The following ADK variants were observed in gnomAD, a reference collection of about 807,000 sequenced individuals.
ADK encodes the protein adenosine kinase.
ADK carries 24 observed loss-of-function variants against 44.7 expected under a neutral mutation model. That is an observed-to-expected ratio of 0.54 (90% CI 0.39 to 0.76). The LOEUF (loss-of-function observed/expected upper bound fraction) is 0.76, where lower values mean the gene tolerates loss of function less well. Ranked by LOEUF, ADK falls within the 30% of genes least tolerant of loss-of-function variation. The pLI is 0.00. For synonymous variants in ADK, 128 were observed against 142.6 expected (o/e 0.90, Z 0.73); for missense variants, 321 against 425.1 (o/e 0.76, Z 2.15).
intron 4 of ADK, among the ~76,000 whole-genome samples, chr10:74,392,433 C>T (rs1436174992): frequency 6.6e-6 from 1 of 152,026 alleles, no homozygotes; most frequent in Admixed American, 6.6e-5. Context: ...TTTTCTTGTG[C>T]TTATTGGCCA....
rs145007559 is a variant in ADK, at chr10:74,612,765, A to C, written c.877+12272A>C. On this transcript the variant is annotated intron_variant, in intron 9 of 10. Transcript: ENST00000539909. Reference sequence around the variant, plus strand: ...TAGGATTTTTATAGTTTGAGGTTTTATGTGTAAGTCTTTAATCTATCTTGA... The same window carrying C: ...TAGGATTTTTATAGTTTGAGGTTTTCTGTGTAAGTCTTTAATCTATCTTGA... Among the ~76,000 whole-genome samples the C allele has an allele frequency of 3.6e-3, 544 of 152,164 alleles. 5 individuals are homozygous for C. The highest frequency in any genetic ancestry group is 4.7e-3 in the Admixed American group (72 of 15,284).
chr10:74,172,975 A>G (rs1842211163), intron 1 of ADK, among the ~76,000 whole-genome samples: 1 of 151,930 alleles, frequency 6.6e-6, no homozygotes, highest in Non-Finnish European at 1.5e-5. Flanking sequence ...TGTGGCTTCA[A>G]TTTTATTAAC....
At chr10:74,205,576 TGAGGCAG>T (rs1379690245) in intron 2 of ADK, among the ~76,000 whole-genome samples, 2 of 148,376 alleles carry the variant, frequency 1.3e-5, no homozygotes, top group African/African-American at 5.0e-5. Context: ...CTCGGGAGGC[TGAGGCAG>T]GAGAATCGGG....
chr10:74,280,415 A>AACACACACACACACACACACACAC (rs71021599), intron 3 of ADK, among the ~76,000 whole-genome samples: 1,883 of 144,336 alleles, frequency 0.013, 28 homozygotes, highest in Middle Eastern at 0.017. Flanking sequence ...AACAAGTTTA[A>AACACACACACACACACACACACAC]ACACACACAC....
chr10:74,583,277 G>T (rs984447502), intron 7 of ADK, among the ~76,000 whole-genome samples: 2 of 152,130 alleles, frequency 1.3e-5, no homozygotes, highest in African/African-American at 4.8e-5. Context: ...ACATTCTAGT[G>T]GTAGGAGACT....
intron 6 of ADK, among the ~76,000 whole-genome samples, chr10:74,502,816 A>ATTT: frequency 6.6e-6 from 1 of 152,144 alleles, no homozygotes; most frequent in Non-Finnish European, 1.5e-5. Context: ...TCAAATGTAA[A>ATTT]GGACTTGTAT....
At chr10:74,368,288 T>C (rs549735118) in intron 4 of ADK, among the ~76,000 whole-genome samples, 1 of 152,120 alleles carries the variant, frequency 6.6e-6, no homozygotes, top group African/African-American at 2.4e-5. Flanking sequence ...AATTTTTGTA[T>C]TTTTTGTAGA....
At chr10:74,575,905 A>G (rs141144842) in intron 7 of ADK, among the ~76,000 whole-genome samples, 4 of 152,332 alleles carry the variant, frequency 2.6e-5, no homozygotes, top group African/African-American at 9.6e-5. Flanking sequence ...GGCCTGACCT[A>G]GTTTTGAGTG....
chr10:74,700,303 C>T (rs895565318), intron 10 of ADK, among the ~76,000 whole-genome samples: 12 of 152,304 alleles, frequency 7.9e-5, no homozygotes, highest in African/African-American at 2.6e-4. Context: ...AGTGCAGTGG[C>T]GTGATCTCGG....
intron 6 of ADK, among the ~76,000 whole-genome samples, chr10:74,404,212 G>A (rs993379420): frequency 2.0e-5 from 3 of 149,782 alleles, no homozygotes; most frequent in Admixed American, 6.7e-5. Flanking sequence ...GTTAATATAT[G>A]TCTCACAACT....
intron 6 of ADK, among the ~76,000 whole-genome samples, chr10:74,490,631 T>C (rs1195021048): frequency 6.6e-6 from 1 of 152,122 alleles, no homozygotes; most frequent in East Asian, 1.9e-4. Flanking sequence ...TGAACCCATG[T>C]CTCATTGTAG....
chr10:74,435,869 T>C (rs1354514262), intron 6 of ADK, among the ~76,000 whole-genome samples: 1 of 151,864 alleles, frequency 6.6e-6, no homozygotes, highest in Non-Finnish European at 1.5e-5. Flanking sequence ...AGTCTAAGAG[T>C]GTTCATTGCT....
chr10:74,529,509 A>G (rs1426685957), intron 7 of ADK, among the ~76,000 whole-genome samples: 2 of 152,230 alleles, frequency 1.3e-5, no homozygotes, highest in Admixed American at 6.5e-5. Context: ...GGAAAATTTT[A>G]TCATATGTAT....
chr10:74,540,055 C>T (rs1035637956), intron 7 of ADK, among the ~76,000 whole-genome samples: 1 of 152,210 alleles, frequency 6.6e-6, no homozygotes, highest in Non-Finnish European at 1.5e-5. Context: ...ACGCCAACTA[C>T]ATTGCCTCTC....
rs371457143 is a variant in ADK at position 74,308,932 on chromosome 10, G to A, written c.195-5735G>A. On this transcript the variant is annotated intron_variant, in intron 3 of 10. Transcript: ENST00000539909. ...TAGTGGCTTTAGTTTCTTTGAAAATGGAAAGCAATTGCCCTTAGGTAGAAC... is the reference window on the plus strand; with the variant it reads ...TAGTGGCTTTAGTTTCTTTGAAAATAGAAAGCAATTGCCCTTAGGTAGAAC... Among the ~76,000 whole-genome samples, 44 of 152,046 alleles carry A rather than the reference G, an allele frequency of 2.9e-4. No homozygotes were observed. The East Asian group carries it at 4.1e-3, about 14-fold the overall frequency.
intron 6 of ADK, among the ~76,000 whole-genome samples, chr10:74,521,178 A>G (rs1189277050): frequency 6.6e-6 from 1 of 152,192 alleles, no homozygotes; most frequent in Non-Finnish European, 1.5e-5. Context: ...TTGCGATCTA[A>G]CAGAGCATAA....
At chr10:74,660,749 A>AT (rs71024517) in intron 9 of ADK, among the ~76,000 whole-genome samples, 18 of 149,474 alleles carry the variant, frequency 1.2e-4, no homozygotes, top group African/African-American at 3.9e-4. Flanking sequence ...AAAAAAAAAA[A>AT]GAGGCCAGGC....
intron 4 of ADK, among the ~76,000 whole-genome samples, chr10:74,348,882 T>C (rs1201919485): frequency 2.0e-5 from 3 of 150,764 alleles, no homozygotes; most frequent in Admixed American, 6.6e-5. Flanking sequence ...TAAAATGGAA[T>C]GAACAAAACC....
At chr10:74,510,654 C>G (rs1462789323) in intron 6 of ADK, among the ~76,000 whole-genome samples, 1 of 152,118 alleles carries the variant, frequency 6.6e-6, no homozygotes, top group Non-Finnish European at 1.5e-5. Flanking sequence ...TGTCCTAAAG[C>G]ATTTCACCTG....
Sources: gnomAD v4.1 joint callset for allele counts (sites outside exome capture counted in the v4.1 genomes callset) on GRCh38, gnomAD v4.1.1 for gene constraint, MANE v1.5 for transcripts, NCBI Gene and HGNC (gene_info 2026-07-23, HGNC 2026-07-21) for gene names.